Variants in NRXN1 observed in about 807,000 individuals in gnomAD.
NRXN1 encodes neurexin-1.
A neutral mutation model predicts 150.9 loss-of-function variants in NRXN1; 39 were observed. The observed-to-expected ratio is 0.26, with a 90% CI of 0.20 to 0.34. NRXN1 has a LOEUF of 0.34. Among genes scored for constraint, NRXN1 ranks in the 10% least tolerant of loss-of-function variants. The pLI is 1.00. For synonymous variants in NRXN1, 924 were observed against 757.0 expected (o/e 1.22, Z -3.62); for missense variants, 1,815 against 1,949.9 (o/e 0.93, Z 1.30).
At chr2:50,922,831 C>G in intron 3 of NRXN1, 144 bp from the exon 4 acceptor site, 1 of 876,238 alleles carries the variant, frequency 1.1e-6, no homozygotes, top group Non-Finnish European at 1.9e-6. Flanking sequence ...AAAAAGCATT[C>G]TTTCAACCCC....
intron 12 of NRXN1, among the ~76,000 whole-genome samples, chr2:50,510,527 G>C (rs1278735188): frequency 1.2e-5 from 1 of 86,386 alleles, no homozygotes; most frequent in East Asian, 3.0e-4. Context: ...CAAAAGAAAA[G>C]AAAGAAAGAA....
intron 17 of NRXN1, among the ~76,000 whole-genome samples, chr2:50,325,501 G>A (rs1337720026): frequency 6.6e-6 from 1 of 152,162 alleles, no homozygotes; most frequent in Non-Finnish European, 1.5e-5. Context: ...ATCGTAAGAT[G>A]GTAAGCTAGT....
In NRXN1 at chr2:50,263,391, G is replaced by A. The variant is rs115984597; in HGVS notation, c.3365-26421C>T. On this transcript the variant is annotated intron_variant, in intron 17 of 22. Coordinates refer to ENST00000401669, the MANE Select transcript of NRXN1 (RefSeq NM_001330078.2). ...ACTCTCAACAAATGTTAATTAAATGGACTTAGGGCAATCTCCCCTCTCACC... is the reference window on the plus strand; with the variant it reads ...ACTCTCAACAAATGTTAATTAAATGAACTTAGGGCAATCTCCCCTCTCACC... Among the ~76,000 whole-genome samples the A allele has an allele frequency of 8.5e-3, 1,295 of 152,028 alleles. 21 individuals are homozygous for A. The highest frequency in any genetic ancestry group is 0.03 in the African/African-American group (1,250 of 41,496).
At chr2:50,999,814 G>GT (rs1027580607) in intron 2 of NRXN1, among the ~76,000 whole-genome samples, 10 of 151,856 alleles carry the variant, frequency 6.6e-5, no homozygotes, top group African/African-American at 2.4e-4. Flanking sequence ...ACATTAACCA[G>GT]TTTTCCCATT....
chr2:50,380,430 G>GT lies in NRXN1; in HGVS notation c.3364+85011dup, dbSNP rs1309686538. Among the ~76,000 whole-genome samples, 4 of 152,172 alleles carry GT rather than the reference G, an allele frequency of 2.6e-5. No individual in the cohort carries two copies. The East Asian group carries it at 7.7e-4, about 29-fold the overall frequency. On this transcript the variant is annotated intron_variant, in intron 17 of 22. Coordinates refer to ENST00000401669, the MANE Select transcript of NRXN1 (RefSeq NM_001330078.2). ...ACGCAACTGTTTCAAATAAACAGTT[G>GT]TTTTCAATTCTTTTTTATATATTTG...
intron 5 of NRXN1, among the ~76,000 whole-genome samples, chr2:50,713,251 T>G (rs1454599818): frequency 6.6e-6 from 1 of 151,708 alleles, no homozygotes; most frequent in Non-Finnish European, 1.5e-5. Flanking sequence ...GAAGCAGAGG[T>G]TGCAGTGAGC....
intron 5 of NRXN1, among the ~76,000 whole-genome samples, chr2:50,862,810 C>T (rs1225314530): frequency 1.3e-5 from 2 of 152,044 alleles, no homozygotes; most frequent in East Asian, 1.9e-4. Context: ...GGAAATGTGC[C>T]TCATATCACG....
intron 8 of NRXN1, among the ~76,000 whole-genome samples, chr2:50,612,165 A>G (rs139912962): frequency 1.3e-5 from 2 of 152,160 alleles, no homozygotes; most frequent in East Asian, 3.9e-4. Context: ...ATTTTCCCCT[A>G]GGTCAGTTAC....
At position 50,524,478 on chromosome 2, in the gene NRXN1, CATAAATAAATAAATAA is replaced by C. The variant is rs201231040; in HGVS notation, c.2374+4131_2374+4146del. Reference sequence around the variant, plus strand: ...TGGATGAGAGAGCAAGAGTCCATCTCATAAATAAATAAATAAATAAATAAATAAATAAATAAATAAA... The same window carrying C: ...TGGATGAGAGAGCAAGAGTCCATCTCATAAATAAATAAATAAATAAATAAA... On this transcript the variant is annotated intron_variant, in intron 12 of 22. Transcript: ENST00000401669. Among the ~76,000 whole-genome samples, 478 of 141,110 alleles carry C rather than the reference CATAAATAAATAAATAA, an allele frequency of 3.4e-3. 1 individual carries two copies. The highest frequency in any genetic ancestry group is 8.9e-3 in the African/African-American group (339 of 38,172). 92.6% of individuals were successfully genotyped at this position (141,110 alleles called of 152,430 possible).
intron 5 of NRXN1, among the ~76,000 whole-genome samples, chr2:50,773,535 G>C (rs895237847): frequency 4.6e-5 from 7 of 152,104 alleles, no homozygotes; most frequent in African/African-American, 1.4e-4. Flanking sequence ...TTTCATAGGA[G>C]GGAATCAATA....
At chr2:50,744,615 T>C (rs1224579682) in intron 5 of NRXN1, among the ~76,000 whole-genome samples, 1 of 152,172 alleles carries the variant, frequency 6.6e-6, no homozygotes, top group Non-Finnish European at 1.5e-5. Flanking sequence ...GTTTTCCCCA[T>C]TTTATAGATG....
intron 21 of NRXN1, among the ~76,000 whole-genome samples, chr2:50,051,933 A>C (rs1692777490): frequency 6.6e-6 from 1 of 152,086 alleles, no homozygotes; most frequent in Non-Finnish European, 1.5e-5. Context: ...AGAAAAATGA[A>C]AATAAGTGCA....
intron 17 of NRXN1, among the ~76,000 whole-genome samples, chr2:50,434,043 ATTTTTTTTTTTTT>A (rs748364051): frequency 4.2e-5 from 3 of 72,154 alleles, no homozygotes; most frequent in South Asian, 4.8e-4. Context: ...TATCTAAGCC[ATTTTTTTTTTTTT>A]TTTTTTTTTT....
At chr2:50,717,575 G>A (rs991826220) in intron 5 of NRXN1, among the ~76,000 whole-genome samples, 2 of 152,140 alleles carry the variant, frequency 1.3e-5, no homozygotes, top group Non-Finnish European at 2.9e-5. Context: ...TTGAAAATAC[G>A]AACTCAATTT....
chr2:50,508,815 T>C (rs1256781391), intron 12 of NRXN1, among the ~76,000 whole-genome samples: 1 of 152,184 alleles, frequency 6.6e-6, no homozygotes, highest in Admixed American at 6.6e-5. Context: ...CGCCAACTTC[T>C]AGCTCCTTTC....
intron 5 of NRXN1, among the ~76,000 whole-genome samples, chr2:50,729,234 A>G (rs140743481): frequency 5.3e-5 from 8 of 152,340 alleles, no homozygotes; most frequent in African/African-American, 1.9e-4. Flanking sequence ...GATGATCTCT[A>G]TAATTGAATT....
chr2:50,571,121 G>A (rs1029650130), intron 8 of NRXN1, among the ~76,000 whole-genome samples: 1 of 152,130 alleles, frequency 6.6e-6, no homozygotes, highest in Non-Finnish European at 1.5e-5. Flanking sequence ...TTAGCTATAG[G>A]CCCAAGGATC....
intron 5 of NRXN1, among the ~76,000 whole-genome samples, chr2:50,875,015 G>A (rs1678364985): frequency 6.6e-6 from 1 of 151,782 alleles, no homozygotes; most frequent in African/African-American, 2.4e-5. Context: ...TTATATGTTA[G>A]TGAATATAAA....
intron 17 of NRXN1, among the ~76,000 whole-genome samples, chr2:50,442,319 T>C (rs1281479617): frequency 6.6e-6 from 1 of 152,070 alleles, no homozygotes; most frequent in East Asian, 1.9e-4. Context: ...TATGAAATAT[T>C]ACAAAATCCA....
Sources: allele counts gnomAD v4.1 joint callset (sites outside exome capture counted in the v4.1 genomes callset), GRCh38; gene constraint gnomAD v4.1.1; transcripts MANE v1.5; gene names NCBI Gene and HGNC (gene_info 2026-07-23, HGNC 2026-07-21).